SLC25A42: variants seen among roughly 807,000 people sequenced by gnomAD.
SLC25A42 encodes solute carrier family 25 member 42.
In SLC25A42, 19 loss-of-function variants were observed where a neutral mutation model predicts 34.7. The observed-to-expected ratio is 0.55, with a 90% confidence interval of 0.38 to 0.80. The LOEUF (loss-of-function observed/expected upper bound fraction) is 0.80, where lower values mean the gene tolerates loss of function less well. SLC25A42 is among the 30% of genes least tolerant of loss of function. SLC25A42 has a pLI of 0.00. For synonymous variants in SLC25A42, 205 were observed against 191.2 expected, an observed-to-expected ratio of 1.07 and a Z score of -0.59; for missense variants, 364 against 441.3, an observed-to-expected ratio of 0.82 and a Z score of 1.57.
intron 1 of SLC25A42, among the ~76,000 whole-genome samples, chr19:19,084,032 C>T (rs1259154913): frequency 6.6e-6 from 1 of 151,106 alleles, no homozygotes; most frequent in Non-Finnish European, 1.5e-5. Context: ...CTGCAGGCAC[C>T]TCCAGGGCCC....
chr19:19,089,519 C>T (rs1390192818), intron 1 of SLC25A42, among the ~76,000 whole-genome samples: 1 of 148,420 alleles, frequency 6.7e-6, no homozygotes, highest in Non-Finnish European at 1.5e-5. Context: ...CAGAGCAAGA[C>T]TCCATCTCAA....
intron 2 of SLC25A42, among the ~76,000 whole-genome samples, chr19:19,097,945 AGAGT>A (rs1266937118): frequency 6.8e-6 from 1 of 146,850 alleles, no homozygotes; most frequent in African/African-American, 2.5e-5. Flanking sequence ...CCTAGGCGAC[AGAGT>A]GAGACCCTGT....
Position 19,096,085 on chromosome 19 carries a change from C to G in SLC25A42, c.-34-6C>G, listed in dbSNP as rs542203982. 2.2e-5 allele frequency: 34 copies of G among 1,579,874 alleles called. No individual in the cohort carries two copies. Among genetic ancestry groups the G allele is most frequent in the South Asian group, 1.1e-4 (10 of 90,028 alleles). ...CGTATCTTACCACCTCCCCTTACCCCCCCAGGACCGAGTCTCCTGCCATTC... is the reference window on the plus strand; with the variant it reads ...CGTATCTTACCACCTCCCCTTACCCGCCCAGGACCGAGTCTCCTGCCATTC... On this transcript the variant is annotated splice_region_variant and splice_polypyrimidine_tract_variant and intron_variant, in intron 1 of 7. Coordinates refer to ENST00000318596, the MANE Select transcript of SLC25A42 (RefSeq NM_178526.5).
At chr19:19,096,254 T>TAGCCCCCCCCCCCCCCC in intron 2 of SLC25A42, 49 bp downstream of exon 2, 2 of 1,456,750 alleles carry the variant, frequency 1.4e-6, no homozygotes, top group Non-Finnish European at 1.9e-6. Context: ...GGCCCCAGCC[T>TAGCCCCCCCCCCCCCCC]CCCCACCCCC....
intron 5 of SLC25A42, 104 bp downstream of exon 5, chr19:19,105,831 C>A: frequency 3.0e-6 from 3 of 1,002,558 alleles, no homozygotes; most frequent in Non-Finnish European, 4.3e-6. Context: ...TTGCCCCTAG[C>A]CCTGCCTTCC....
At chr19:19,077,116 G>A (rs554332328) in intron 1 of SLC25A42, among the ~76,000 whole-genome samples, 139 of 152,302 alleles carry the variant, frequency 9.1e-4, no homozygotes, top group African/African-American at 3.1e-3. Flanking sequence ...CCGGGGAGTC[G>A]GAGGCCGCAG....
At chr19:19,105,093 G>A (rs767887243) in intron 4 of SLC25A42, 155 bp downstream of exon 4, 2 of 869,940 alleles carry the variant, frequency 2.3e-6, no homozygotes, top group South Asian at 3.1e-5. Context: ...AGCCCAGCCT[G>A]GGAACTGACG....
intron 3 of SLC25A42, among the ~76,000 whole-genome samples, chr19:19,104,031 C>T (rs1020807769): frequency 2.0e-5 from 3 of 152,144 alleles, no homozygotes; most frequent in Non-Finnish European, 2.9e-5. Context: ...CTTACCCTCC[C>T]GAGTAGCTGG....
intron 2 of SLC25A42, among the ~76,000 whole-genome samples, chr19:19,097,308 C>A (rs1048800158): frequency 6.6e-6 from 1 of 152,162 alleles, no homozygotes; most frequent in African/African-American, 2.4e-5. Flanking sequence ...GAGCAGCAGG[C>A]GGGCGGGAGG....
At chr19:19,106,600 G>T (rs2059829935) in intron 6 of SLC25A42, 1 of 419,044 alleles carries the variant, frequency 2.4e-6, no homozygotes, top group Non-Finnish European at 4.3e-6. Flanking sequence ...ATCAAACCAA[G>T]GGTCTTCATT....
intron 1 of SLC25A42, among the ~76,000 whole-genome samples, chr19:19,089,370 A>G (rs2059725543): frequency 6.6e-6 from 1 of 151,584 alleles, no homozygotes; most frequent in African/African-American, 2.4e-5. Context: ...TAGTAAAAGT[A>G]CAAAAAAGTT....
intron 1 of SLC25A42, among the ~76,000 whole-genome samples, chr19:19,084,558 A>G (rs191070651): frequency 6.6e-6 from 1 of 152,330 alleles, no homozygotes; most frequent in Admixed American, 6.5e-5. Flanking sequence ...GTCCCTGTGG[A>G]ATAATTCCAA....
intron 1 of SLC25A42, among the ~76,000 whole-genome samples, chr19:19,079,381 C>T (rs1283735208): frequency 6.6e-6 from 1 of 151,898 alleles, no homozygotes; most frequent in African/African-American, 2.4e-5. Flanking sequence ...TCATCACCCC[C>T]AAAAGGAAAT....
chr19:19,105,915 C>G, intron 5 of SLC25A42, 188 bp downstream of exon 5: 1 of 598,788 alleles, frequency 1.7e-6, no homozygotes, highest in East Asian at 2.8e-5. Flanking sequence ...CTGTCACATG[C>G]CCTATTCTGT....
At chr19:19,101,492 G>A (rs996937122) in intron 2 of SLC25A42, among the ~76,000 whole-genome samples, 8 of 152,174 alleles carry the variant, frequency 5.3e-5, no homozygotes, top group East Asian at 1.9e-4. Context: ...AAGTTTGCAC[G>A]TGGGCCAGTC....
intron 1 of SLC25A42, among the ~76,000 whole-genome samples, chr19:19,088,170 C>T (rs547525579): frequency 6.6e-6 from 1 of 151,802 alleles, no homozygotes; most frequent in Non-Finnish European, 1.5e-5. Flanking sequence ...TTCCAGACCC[C>T]ACCCCAGCCC....
intron 1 of SLC25A42, among the ~76,000 whole-genome samples, 177 bp downstream of exon 1, chr19:19,064,292 C>A (rs2059589702): frequency 6.6e-6 from 1 of 151,738 alleles, no homozygotes. Flanking sequence ...AGTCCACGCA[C>A]GCCTGACACC....
rs1436829276 is a variant in SLC25A42, at chr19:19,104,990, TG to T, written c.213+55del. The T allele has an allele frequency of 3.7e-6, 6 of 1,609,536 alleles. No individual in the cohort carries two copies. In the East Asian group the frequency reaches 1.3e-4, roughly 36 times the overall value. Reference sequence around the variant, plus strand: ...CTGGGGACAGTCACCACTACCCTGATGGGCTGGCAGGAGTTAGGCAGGTGGT... The same window carrying T: ...CTGGGGACAGTCACCACTACCCTGATGGCTGGCAGGAGTTAGGCAGGTGGT... On this transcript the variant is annotated intron_variant, in intron 4 of 7. Transcript: ENST00000318596.
intron 1 of SLC25A42, among the ~76,000 whole-genome samples, chr19:19,085,901 T>C (rs552481083): frequency 6.6e-6 from 1 of 152,246 alleles, no homozygotes; most frequent in East Asian, 1.9e-4. Flanking sequence ...AGAAGGGCAA[T>C]GGGTTCCCTG....
Sources: allele counts gnomAD v4.1 joint callset (sites outside exome capture counted in the v4.1 genomes callset), GRCh38; gene constraint gnomAD v4.1.1; transcripts MANE v1.5; gene names NCBI Gene and HGNC (gene_info 2026-07-23, HGNC 2026-07-21).